NTM: variants seen among roughly 807,000 people sequenced by gnomAD.
The protein encoded by NTM is neurotrimin, also known as IgLON family member 2.
A neutral mutation model predicts 42.1 loss-of-function variants in NTM; 13 were observed. The observed-to-expected ratio is 0.31, with a 90% CI of 0.20 to 0.49. The LOEUF (loss-of-function observed/expected upper bound fraction) is 0.49. Among genes scored for constraint, NTM ranks in the 20% least tolerant of loss-of-function variants. The pLI is 0.99. For missense variants in NTM, 373 were observed against 452.8 expected (o/e 0.82, Z 1.60); for synonymous variants, 187 against 179.2 (o/e 1.04, Z -0.35).
intron 7 of NTM, 193 bp downstream of exon 7, chr11:132,314,896 GAA>G (rs1159335511): frequency 7.4e-6 from 10 of 1,350,698 alleles, no homozygotes; most frequent in Non-Finnish European, 2.8e-6. Context: ...GAGGCAGACA[GAA>G]AGAGAAAGAA....
intron 3 of NTM, among the ~76,000 whole-genome samples, chr11:132,188,083 G>T (rs2078711509): frequency 6.6e-6 from 1 of 152,124 alleles, no homozygotes; most frequent in Non-Finnish European, 1.5e-5. Context: ...ATCCTAGTTT[G>T]TCACAACTCT....
At chr11:131,794,820 C>T (rs1203632645) in intron 1 of NTM, 28 of 985,282 alleles carry the variant, frequency 2.8e-5, no homozygotes, top group Non-Finnish European at 3.4e-5. Context: ...GATTATGCTA[C>T]ATTAAAGAAA....
At chr11:132,211,753 G>T in intron 3 of NTM, 1 of 297,866 alleles carries the variant, frequency 3.4e-6, no homozygotes, top group Non-Finnish European at 6.3e-6. Flanking sequence ...TACAGGAAGA[G>T]GGTGGAGGCT....
intron 2 of NTM, among the ~76,000 whole-genome samples, chr11:132,021,165 C>T (rs997175141): frequency 1.3e-5 from 2 of 152,056 alleles, no homozygotes; most frequent in African/African-American, 2.4e-5. Context: ...GTTGGGTCCT[C>T]CAGTGAGATT....
At chr11:131,680,626 C>T (rs1170825772) in intron 1 of NTM, among the ~76,000 whole-genome samples, 3 of 50,432 alleles carry the variant, frequency 5.9e-5, no homozygotes, top group Admixed American at 2.1e-4. Flanking sequence ...TCTGTGAGTG[C>T]CTGTGTGTGT....
chr11:131,766,612 T>C (rs941289135), intron 1 of NTM, among the ~76,000 whole-genome samples: 4 of 152,126 alleles, frequency 2.6e-5, no homozygotes, highest in African/African-American at 9.7e-5. Flanking sequence ...ATTTGTACAA[T>C]TATCAACCGC....
Position 131,749,234 on chromosome 11 carries a change from T to C in NTM, c.83-162330T>C, listed in dbSNP as rs187707603. On this transcript the variant is annotated intron_variant, in intron 1 of 8. Coordinates refer to ENST00000683400, the MANE Select transcript of NTM (RefSeq NM_001352005.2). ...ATCACAGGGACCTGGGTTTCAACCCTGGCTTAGCCACTTCCTAAGAATGTG... is the reference window on the plus strand; with the variant it reads ...ATCACAGGGACCTGGGTTTCAACCCCGGCTTAGCCACTTCCTAAGAATGTG... Among the ~76,000 whole-genome samples the C allele has an allele frequency of 1.7e-3, 252 of 152,336 alleles. 1 individual carries two copies. The highest frequency in any genetic ancestry group is 5.6e-3 in the African/African-American group (234 of 41,584).
rs550864346 is a variant in NTM at position 132,272,971 on chromosome 11, C to A, written c.527-34718C>A. On this transcript the variant is annotated intron_variant, in intron 4 of 8. Transcript: ENST00000683400. The stretch of plus-strand genomic sequence containing the variant: ...TAAGGGAAAGCATTTTGATTTTTAC[C>A]ACTAAGTATAATGTTAGCTTTATGA... Among the ~76,000 whole-genome samples the A allele has an allele frequency of 2.0e-5, 3 of 152,172 alleles. No homozygotes were observed. The East Asian group carries it at 5.8e-4, about 29-fold the overall frequency.
intron 2 of NTM, among the ~76,000 whole-genome samples, chr11:132,104,610 T>C (rs1219739113): frequency 1.4e-4 from 2 of 14,588 alleles, no homozygotes; most frequent in Non-Finnish European, 3.8e-4. Flanking sequence ...TAACTAATAG[T>C]AATAATCATA....
intron 1 of NTM, among the ~76,000 whole-genome samples, chr11:131,563,955 A>G (rs556351353): frequency 2.0e-5 from 3 of 152,140 alleles, no homozygotes; most frequent in Non-Finnish European, 2.9e-5. Context: ...GTTGCCAAAG[A>G]GAGACCTGAC....
At chr11:131,468,817 T>A (rs889785337) in intron 1 of NTM, among the ~76,000 whole-genome samples, 6 of 152,214 alleles carry the variant, frequency 3.9e-5, no homozygotes, top group African/African-American at 1.4e-4. Context: ...ACTTTCTGTT[T>A]TGACAGCTGA....
intron 2 of NTM, among the ~76,000 whole-genome samples, chr11:131,931,981 G>A (rs927411168): frequency 6.6e-6 from 1 of 152,220 alleles, no homozygotes; most frequent in Non-Finnish European, 1.5e-5. Flanking sequence ...CCACGGCGGT[G>A]CCTCGATCTG....
intron 1 of NTM, among the ~76,000 whole-genome samples, chr11:131,427,381 A>G (rs1006948070): frequency 6.6e-6 from 1 of 152,150 alleles, no homozygotes; most frequent in African/African-American, 2.4e-5. Context: ...AAAAATAAGT[A>G]TAGCTTCTCA....
At chr11:131,743,489 A>G (rs2081429163) in intron 1 of NTM, among the ~76,000 whole-genome samples, 1 of 152,224 alleles carries the variant, frequency 6.6e-6, no homozygotes. Flanking sequence ...GAACCTTCAT[A>G]GTACTCTTCC....
chr11:131,584,556 C>A (rs1477796957), intron 1 of NTM, among the ~76,000 whole-genome samples: 1 of 152,178 alleles, frequency 6.6e-6, no homozygotes, highest in Non-Finnish European at 1.5e-5. Flanking sequence ...AACAGAGAAA[C>A]AATCTGTCAT....
At chr11:131,470,510 G>T (rs947491624) in intron 1 of NTM, among the ~76,000 whole-genome samples, 10 of 152,162 alleles carry the variant, frequency 6.6e-5, no homozygotes, top group African/African-American at 2.4e-4. Flanking sequence ...ACTGGCACAC[G>T]TTGCTACTGT....
At chr11:131,453,445 G>A (rs1187822937) in intron 1 of NTM, among the ~76,000 whole-genome samples, 1 of 152,024 alleles carries the variant, frequency 6.6e-6, no homozygotes, top group African/African-American at 2.4e-5. Flanking sequence ...TAGGCCACAA[G>A]TATTATTCCC....
intron 3 of NTM, among the ~76,000 whole-genome samples, chr11:132,147,080 AAT>A (rs2070629216): frequency 6.6e-6 from 1 of 151,638 alleles, no homozygotes; most frequent in Non-Finnish European, 1.5e-5. Flanking sequence ...TCTCCCATAT[AAT>A]ACTGGTGTCT....
At chr11:132,289,612 A>G (rs1475935249) in intron 4 of NTM, among the ~76,000 whole-genome samples, 2 of 152,064 alleles carry the variant, frequency 1.3e-5, no homozygotes, top group Non-Finnish European at 2.9e-5. Flanking sequence ...ACTGAGTCCA[A>G]CTCCAGGGAA....
Sources: allele counts gnomAD v4.1 joint callset (sites outside exome capture counted in the v4.1 genomes callset), GRCh38; gene constraint gnomAD v4.1.1; transcripts MANE v1.5; gene names NCBI Gene and HGNC (gene_info 2026-07-23, HGNC 2026-07-21).